Variants in RAPSN observed in about 807,000 individuals in gnomAD.
RAPSN encodes receptor associated protein of the synapse.
Under a neutral mutation model 45.7 loss-of-function variants are expected in RAPSN, and 33 were observed. The observed-to-expected ratio is 0.72, with a 90% CI of 0.55 to 0.97. The LOEUF (loss-of-function observed/expected upper bound fraction) is 0.97, where lower values mean the gene tolerates loss of function less well. Among genes scored for constraint, RAPSN ranks in the 50% least tolerant of loss-of-function variants. RAPSN has a pLI of 0.00. For synonymous variants in RAPSN, 244 were observed against 233.6 expected, an observed-to-expected ratio of 1.04 and a Z score of -0.40; for missense variants, 519 against 559.4, an observed-to-expected ratio of 0.93 and a Z score of 0.73.
chr11:47,438,956 G>A (rs2076339140), intron 6 of RAPSN, 25 bp from the exon 7 acceptor site: 4 of 1,548,854 alleles, frequency 2.6e-6, no homozygotes, highest in East Asian at 2.4e-5. Flanking sequence ...AGTGGAGAGC[G>A]CCAGTGGGGG....
At chr11:47,438,638 C>T in intron 7 of RAPSN, 94 bp downstream of exon 7, 1 of 1,443,920 alleles carries the variant, frequency 6.9e-7, no homozygotes, top group Non-Finnish European at 9.5e-7. Context: ...TAAGTGTTTG[C>T]TATTAGTATT....
rs373437117 is a variant in RAPSN, at chr11:47,448,792, C to T, written c.173G>A (p.Arg58His). 12 of 1,611,430 alleles carry T rather than the reference C, an allele frequency of 7.4e-6. No homozygotes were observed. Among genetic ancestry groups the T allele is most frequent in the Non-Finnish European group, 1.0e-5 (12 of 1,180,014 alleles). Residue 58 changes from arginine to histidine, a missense_variant, in exon 1 of 8, where the codon CGC (arginine) becomes CAC (histidine). Arg to His is a conservative substitution (Grantham distance 29). Transcript: ENST00000298854. ...CLVTAHSEMG[R>H]YKEMLKFAVV... ...ACCCACCTTCAGCATCTCCTTGTAG[C>T]GGCCCATCTCCGAGTGGGCTGTGAC...
In RAPSN at chr11:47,441,924, GCGAGGGAGGCCAGTGGCTCAGGCCTA is replaced by G. The variant is rs2076368927; in HGVS notation, c.691-29_691-4del. ...TGCAGCGCGATCTTCATAGACTCCT[GCGAGGGAGGCCAGTGGCTCAGGCCTA>G]CTCCTCTGCCACCACCACTGGAGTG... On this transcript the variant is annotated splice_region_variant and splice_polypyrimidine_tract_variant and intron_variant, in intron 3 of 7. Transcript: ENST00000298854. 6.6e-7 allele frequency: 1 copy of G among 1,508,940 alleles called. No homozygotes were observed. Among genetic ancestry groups the G allele is most frequent in the Non-Finnish European group, 8.9e-7 (1 of 1,127,622 alleles). The allele number at this position is 1,508,940 out of a possible 1,614,324, so 93.5% of individuals were successfully genotyped here.
At position 47,438,916 on chromosome 11, in the gene RAPSN, G is replaced by T; in HGVS notation, c.982C>A (p.Leu328Met). The T allele has an allele frequency of 6.4e-7, 1 of 1,558,806 alleles. No individual in the cohort carries two copies. Among genetic ancestry groups the T allele is most frequent in the Non-Finnish European group, 8.7e-7 (1 of 1,150,958 alleles). The change falls in exon 7 of 8, where the codon CTG (leucine) becomes ATG (methionine). Residue 328 changes from leucine to methionine, a missense_variant. Transcript: ENST00000298854. ...TAAATGCTCTCGCTCAGACAGTGCA[G>T]CTTGAGCTGGCTCAGCTGGGGCCCG... ...EVGNKLSQLK[L>M]HCLSESIYRS...
At chr11:47,448,205 C>A in intron 1 of RAPSN, 55 bp from the exon 2 acceptor site, 2 of 1,576,096 alleles carry the variant, frequency 1.3e-6, no homozygotes, top group Non-Finnish European at 1.7e-6. Flanking sequence ...GAGCCTTGGA[C>A]CCCAGCCTGC....
intron 2 of RAPSN, 79 bp from the exon 3 acceptor site, chr11:47,442,893 C>A (rs2076377176): frequency 6.2e-7 from 1 of 1,601,828 alleles, no homozygotes; most frequent in South Asian, 1.1e-5. Context: ...GGCTAGGTTT[C>A]TCTAACAGCA....
Position 47,442,707 on chromosome 11 carries a change from G to C in RAPSN, c.639C>G (p.Ala213=), listed in dbSNP as rs759851936. ...GGCGGCCCAGCAGGCGATAGGCCAC[G>C]GCCATGTGGTACTGGCTCATGGCCC... is the stretch of plus-strand genomic sequence containing the variant. ...KYRAMSQYHM[A]VAYRLLGRLG... Residue 213 remains alanine, a synonymous_variant, in exon 3 of 8, where the codon GCC becomes GCG. Transcript: ENST00000298854. 6.2e-7 allele frequency: 1 copy of C among 1,614,208 alleles called. No homozygotes were observed. The highest frequency in any genetic ancestry group is 1.7e-5 in the Admixed American group (1 of 60,018).
In RAPSN at chr11:47,441,702, C is replaced by T. The variant is rs140996453; in HGVS notation, c.821G>A (p.Ser274Asn). 2,846 of 1,609,198 alleles carry T rather than the reference C, an allele frequency of 1.8e-3. 4 individuals carry two copies. Among genetic ancestry groups the T allele is most frequent in the Non-Finnish European group, 2.3e-3 (2,681 of 1,179,906 alleles). Residue 274 changes from serine to asparagine, a missense_variant, in exon 5 of 8, where the codon AGC becomes AAC. Physicochemically the swap from Ser to Asn is conservative, Grantham distance 46. Coordinates refer to ENST00000298854, the MANE Select transcript of RAPSN (RefSeq NM_005055.5). ...TAFPRYDSAMSIMTEIGNRLG... is the reference protein window; with the variant it reads ...TAFPRYDSAMNIMTEIGNRLG... ...GCGGTTTCCGATCTCGGTCATGATG[C>T]TCATGGCGGAGTCGTACCTGGGGAA...
rs549232026 is a variant in RAPSN, at chr11:47,438,889, G to T, written c.1009C>A (p.Arg337Ser). Reference protein sequence around the residue: ...KLHCLSESIYRSKGLQRELRA... With the variant: ...KLHCLSESIYSSKGLQRELRA... The stretch of plus-strand genomic sequence containing the variant: ...AGTTCCCGCTGCAGCCCTTTGCTGC[G>T]GTAAATGCTCTCGCTCAGACAGTGC... Residue 337 changes from arginine (R) to serine (S), a missense_variant, in exon 7 of 8, where the codon CGC becomes AGC. Transcript: ENST00000298854. The T allele has an allele frequency of 8.3e-6, 13 of 1,564,836 alleles. No individual in the cohort carries two copies. The South Asian group carries it at 1.3e-4, about 16-fold the overall frequency.
chr11:47,448,560 C>T (rs547461099), intron 1 of RAPSN, among the ~76,000 whole-genome samples: 4 of 152,330 alleles, frequency 2.6e-5, no homozygotes, highest in South Asian at 4.1e-4. Context: ...CTCAGAGACT[C>T]GGGCACCACA....
chr11:47,442,733 G>A lies in RAPSN; in HGVS notation c.613C>T (p.Arg205Trp), dbSNP rs756738642. ...GCCATGTGGTACTGGCTCATGGCCCGGTACTTCAGGCTCCAGCCTTTGCCA... is the reference window on the plus strand; with the variant it reads ...GCCATGTGGTACTGGCTCATGGCCCAGTACTTCAGGCTCCAGCCTTTGCCA... ...NYGKGWSLKY[R>W]AMSQYHMAVA... The change falls in exon 3 of 8, where the codon CGG becomes TGG. Residue 205 changes from arginine to tryptophan, a missense_variant. Transcript: ENST00000298854. 1.6e-5 allele frequency: 26 copies of A among 1,614,132 alleles called. No individual in the cohort carries two copies. Among genetic ancestry groups the A allele is most frequent in the East Asian group, 8.9e-5 (4 of 44,904 alleles).
intron 1 of RAPSN, among the ~76,000 whole-genome samples, chr11:47,448,421 C>T (rs1478560694): frequency 6.6e-6 from 1 of 151,300 alleles, no homozygotes; most frequent in Non-Finnish European, 1.5e-5. Context: ...ACCACCCACC[C>T]ACCCCCAGCC....
intron 1 of RAPSN, 98 bp downstream of exon 1, chr11:47,448,675 C>T (rs1420677102): frequency 2.9e-5 from 44 of 1,494,574 alleles, no homozygotes. Context: ...GCCTGTGGGA[C>T]ACAGGGGAGC....
intron 2 of RAPSN, among the ~76,000 whole-genome samples, chr11:47,445,802 G>C (rs1167344743): frequency 6.6e-6 from 1 of 151,998 alleles, no homozygotes; most frequent in East Asian, 1.9e-4. Flanking sequence ...TAAGTTAAGG[G>C]GAGCTCCTGA....
intron 6 of RAPSN, among the ~76,000 whole-genome samples, chr11:47,440,220 G>C (rs1377278225): frequency 6.6e-6 from 1 of 152,152 alleles, no homozygotes; most frequent in Non-Finnish European, 1.5e-5. Flanking sequence ...GTGAGGACTG[G>C]ACCCAGTACC....
Position 47,448,866 on chromosome 11 carries a change from C to T in RAPSN, c.99G>A (p.Leu33=), listed in dbSNP as rs2153311752. The change falls in exon 1 of 8, where the codon CTG becomes CTA. Residue 33 remains leucine, a synonymous_variant. Coordinates refer to ENST00000298854, the MANE Select transcript of RAPSN (RefSeq NM_005055.5). The part of the protein sequence containing the change: ...EKALQVWTKV[L]EKSSDLMGRF... ...GCCCCATGAGGTCCGAGCTCTTCTC[C>T]AGCACCTTTGTCCACACCTGCAATG... 2 of 1,614,238 alleles carry T rather than the reference C, an allele frequency of 1.2e-6. No individual in the cohort carries two copies. Among genetic ancestry groups the T allele is most frequent in the African/African-American group, 2.7e-5 (2 of 75,068 alleles).
chr11:47,441,191 C>T lies in RAPSN; in HGVS notation c.934G>A (p.Ala312Thr). Residue 312 changes from alanine to threonine, a missense_variant, in exon 6 of 8, where the codon GCC (alanine) becomes ACC (threonine). Ala to Thr is a moderately conservative substitution (Grantham distance 58). Coordinates refer to ENST00000298854, the MANE Select transcript of RAPSN (RefSeq NM_005055.5). ...CCCACCTCCTCGGCCAGATCCTGGG[C>T]TCTCTCGATGGCATCCAGAGCCTGG... Reference protein sequence around the residue: ...LDKALDAIERAQDLAEEVGNK... With the variant: ...LDKALDAIERTQDLAEEVGNK... 6.2e-7 allele frequency: 1 copy of T among 1,614,120 alleles called. No individual in the cohort carries two copies. Among genetic ancestry groups the T allele is most frequent in the Non-Finnish European group, 8.5e-7 (1 of 1,180,038 alleles).
At chr11:47,438,536 T>C (rs1245809857) in intron 7 of RAPSN, 196 bp downstream of exon 7, 4 of 627,894 alleles carry the variant, frequency 6.4e-6, no homozygotes, top group Non-Finnish European at 1.1e-5. Context: ...TTGGCCAAGA[T>C]GATCTTGAAC....
chr11:47,449,095 C>T lies in RAPSN; in HGVS notation c.-131G>A, dbSNP rs1029855519. On this transcript the variant is annotated 5_prime_UTR_variant, in exon 1 of 8. Transcript: ENST00000298854. ...AACAAAAGCAGCGTCGGGTGGGAGC[C>T]GGAATGGGGCCTGGATGGAGAGCAG... 19 of 1,104,406 alleles carry T rather than the reference C, an allele frequency of 1.7e-5. No homozygotes were observed. The highest frequency in any genetic ancestry group is 9.1e-5 in the South Asian group (7 of 77,186). The allele number at this position is 1,104,406 out of a possible 1,614,324, so 68.4% of individuals were successfully genotyped here.
Sources: allele counts gnomAD v4.1 joint callset (sites outside exome capture counted in the v4.1 genomes callset), GRCh38; gene constraint gnomAD v4.1.1; transcripts MANE v1.5; gene names NCBI Gene and HGNC (gene_info 2026-07-23, HGNC 2026-07-21).